LDHAL6A: variants seen among roughly 807,000 people sequenced by gnomAD.
The protein encoded by LDHAL6A is L-lactate dehydrogenase A-like 6A.
LDHAL6A carries 19 observed loss-of-function variants against 28.2 expected under a neutral mutation model. That is an observed-to-expected ratio of 0.67 (90% CI 0.47 to 0.99). The LOEUF (loss-of-function observed/expected upper bound fraction) is 0.99, where lower values mean the gene tolerates loss of function less well. Among genes scored for constraint, LDHAL6A ranks in the 50% least tolerant of loss-of-function variants. The probability of loss-of-function intolerance (pLI) is 0.00; values close to 1 mark genes in which losing one functional copy is unlikely to be tolerated. For synonymous variants in LDHAL6A, 144 were observed against 134.4 expected, an observed-to-expected ratio of 1.07 and a Z score of -0.49; for missense variants, 372 against 398.6, an observed-to-expected ratio of 0.93 and a Z score of 0.57.
intron 2 of LDHAL6A, 44 bp downstream of exon 2, chr11:18,464,122 A>G: frequency 7.9e-7 from 1 of 1,257,970 alleles, no homozygotes; most frequent in Middle Eastern, 1.9e-4. Context: ...AATATACATG[A>G]ACAAGTATCT....
At chr11:18,473,524 A>G (rs1849297402) in intron 3 of LDHAL6A, among the ~76,000 whole-genome samples, 1 of 152,084 alleles carries the variant, frequency 6.6e-6, no homozygotes, top group African/African-American at 2.4e-5. Context: ...TCAGCCTCCC[A>G]AGTATCTGGG....
chr11:18,475,368 C>G, intron 3 of LDHAL6A, 98 bp from the exon 4 acceptor site: 1 of 957,230 alleles, frequency 1.0e-6, no homozygotes, highest in South Asian at 1.6e-5. Context: ...CTTGCCTCCT[C>G]CACAAAACAT....
At chr11:18,458,466 C>T (rs1048663479) in intron 1 of LDHAL6A, among the ~76,000 whole-genome samples, 2 of 152,202 alleles carry the variant, frequency 1.3e-5, no homozygotes, top group Non-Finnish European at 2.9e-5. Context: ...GCTTCTAGAA[C>T]TTGAATTCTA....
intron 1 of LDHAL6A, among the ~76,000 whole-genome samples, chr11:18,461,477 G>T (rs908609147): frequency 6.6e-6 from 1 of 152,004 alleles, no homozygotes; most frequent in Admixed American, 6.6e-5. Context: ...ACACAAAGGC[G>T]TTATTTTTCC....
chr11:18,456,833 G>T (rs776964688), intron 1 of LDHAL6A, 27 bp downstream of exon 1: 1 of 1,599,446 alleles, frequency 6.3e-7, no homozygotes, highest in African/African-American at 1.3e-5. Flanking sequence ...GCACCACAGG[G>T]TTCACCTCAG....
chr11:18,478,532 C>G (rs1258951252), intron 6 of LDHAL6A, among the ~76,000 whole-genome samples, 174 bp from the exon 7 acceptor site: 9 of 152,022 alleles, frequency 5.9e-5, no homozygotes, highest in Non-Finnish European at 1.3e-4. Flanking sequence ...TGCACTCCAG[C>G]CTGGACGACA....
chr11:18,478,555 G>T, intron 6 of LDHAL6A, 151 bp from the exon 7 acceptor site: 1 of 556,090 alleles, frequency 1.8e-6, no homozygotes, highest in Non-Finnish European at 3.1e-6. Context: ...GCAAGAGTCC[G>T]TCTCAAAAAA....
intron 3 of LDHAL6A, among the ~76,000 whole-genome samples, chr11:18,467,993 A>G (rs748959429): frequency 6.6e-5 from 2 of 30,412 alleles, no homozygotes; most frequent in Non-Finnish European, 9.5e-5. Flanking sequence ...ATATATATGC[A>G]TATATATACG....
intron 5 of LDHAL6A, among the ~76,000 whole-genome samples, chr11:18,477,178 G>A (rs551589260): frequency 1.3e-5 from 2 of 151,440 alleles, no homozygotes; most frequent in Non-Finnish European, 1.5e-5. Flanking sequence ...ATGGCCGGGC[G>A]TGGTGGCTCA....
rs368993414 is a variant in LDHAL6A, at chr11:18,478,743, T to G, written c.872T>G (p.Val291Gly). 27 of 1,612,414 alleles carry G rather than the reference T, an allele frequency of 1.7e-5. No homozygotes were observed. The highest frequency in any genetic ancestry group is 3.3e-4 in the Middle Eastern group (2 of 6,056). ...ATAAATGAAGACATATTCCTTAGTG[T>G]CCCATGTATCCTGGGAGAGAATGGT... is the stretch of plus-strand genomic sequence containing the variant. ...YGINEDIFLS[V>G]PCILGENGIT... is the part of the protein sequence containing the mutation. Residue 291 changes from valine to glycine, a missense_variant, in exon 7 of 7, where the codon GTC becomes GGC. By Grantham distance (109) the Val-to-Gly change is moderately radical. Around this residue, in one of 3 missense-constraint regions of LDHAL6A, gnomAD observed 291 missense variants for 302.9 expected, o/e 0.96. Transcript: ENST00000280706.
intron 1 of LDHAL6A, among the ~76,000 whole-genome samples, chr11:18,457,793 A>G (rs1171851235): frequency 1.3e-5 from 2 of 152,134 alleles, no homozygotes; most frequent in Non-Finnish European, 2.9e-5. Context: ...TCGGCTTCCT[A>G]AAGTGCTGAG....
chr11:18,465,579 T>C (rs1351798326), intron 2 of LDHAL6A, 58 bp from the exon 3 acceptor site: 4 of 1,431,376 alleles, frequency 2.8e-6, no homozygotes, highest in Non-Finnish European at 2.9e-6. Flanking sequence ...ACAGGAAGTA[T>C]ACTTAAATGC....
chr11:18,456,418 TCTTAATTC>T lies in LDHAL6A; in HGVS notation c.-260_-253del. 2.6e-6 allele frequency: 1 copy of T among 391,398 alleles called. No individual in the cohort carries two copies. The highest frequency in any genetic ancestry group is 4.6e-6 in the Non-Finnish European group (1 of 218,192). 24.2% of individuals were successfully genotyped at this position (391,398 alleles called of 1,614,324 possible). A position where few individuals can be genotyped will look rare whatever the true frequency, so the allele number is the denominator to read the frequency against. Reference sequence around the variant, plus strand: ...CCCCTGTTCCTTTCCTCTCTCTCTCTCTTAATTCCTCTTAACTGTACTCACGCTTCCTT... The same window carrying T: ...CCCCTGTTCCTTTCCTCTCTCTCTCTCTCTTAACTGTACTCACGCTTCCTT... On this transcript the variant is annotated 5_prime_UTR_variant, in exon 1 of 7. An upstream open reading frame in the 5' UTR loses its in-frame stop. Transcript: ENST00000280706.
At chr11:18,469,269 A>C in intron 3 of LDHAL6A, 1 of 566,864 alleles carries the variant, frequency 1.8e-6, no homozygotes, top group South Asian at 2.3e-5. Context: ...TGAATCCCCA[A>C]CCTACTTTGA....
rs1209314433 is a variant in LDHAL6A, at chr11:18,466,403, A to G, written c.418+593A>G. 5.9e-5 allele frequency among the ~76,000 whole-genome samples: 9 copies of G among 152,286 alleles called. No individual in the cohort carries two copies. The South Asian group carries it at 1.7e-3, about 28-fold the overall frequency. On this transcript the variant is annotated intron_variant, in intron 3 of 6. Transcript: ENST00000280706. ...TGCAGTGGCTGAAGCCTGTAATCCCAGCACTTTGGGAGCCCAAGGTGGGTG... is the reference window on the plus strand; with the variant it reads ...TGCAGTGGCTGAAGCCTGTAATCCCGGCACTTTGGGAGCCCAAGGTGGGTG...
intron 1 of LDHAL6A, among the ~76,000 whole-genome samples, chr11:18,461,506 A>C (rs1314872989): frequency 6.6e-6 from 1 of 152,146 alleles, no homozygotes; most frequent in Non-Finnish European, 1.5e-5. Flanking sequence ...AAAATTTATT[A>C]TGTAATAAAG....
At chr11:18,464,141 C>A in intron 2 of LDHAL6A, 63 bp downstream of exon 2, 1 of 1,171,472 alleles carries the variant, frequency 8.5e-7, no homozygotes, top group Non-Finnish European at 1.3e-6. Flanking sequence ...CTAAGAAAAT[C>A]ATCTTTATTT....
chr11:18,467,992 C>CATATATATACGTATATATATACAT (rs1849147455), intron 3 of LDHAL6A, among the ~76,000 whole-genome samples: 1 of 50,590 alleles, frequency 2.0e-5, no homozygotes, highest in African/African-American at 1.1e-4. Context: ...TATATATATG[C>CATATATATACGTATATATATACAT]ATATATATAC....
chr11:18,469,196 C>T, intron 3 of LDHAL6A: 1 of 641,076 alleles, frequency 1.6e-6, no homozygotes, highest in Non-Finnish European at 2.8e-6. Context: ...ATTAATTTCT[C>T]TAACCGTTCA....
Sources: allele counts gnomAD v4.1 joint callset (sites outside exome capture counted in the v4.1 genomes callset), GRCh38; gene constraint gnomAD v4.1.1; regional missense constraint gnomAD v4.1.1; transcripts MANE v1.5; gene names NCBI Gene and HGNC (gene_info 2026-07-23, HGNC 2026-07-21).